The following NCAPG variants were observed in gnomAD, a reference collection of about 807,000 sequenced individuals.
NCAPG encodes the protein condensin complex subunit 3.
A neutral mutation model predicts 113.1 loss-of-function variants in NCAPG; 69 were observed. The ratio of observed to expected loss-of-function variants is 0.61; its 90% CI spans 0.50 to 0.75. The LOEUF is 0.75. Among genes scored for constraint, NCAPG ranks in the 30% least tolerant of loss-of-function variants. The probability of loss-of-function intolerance (pLI) is 0.00; values close to 1 mark genes in which losing one functional copy is unlikely to be tolerated. For synonymous variants in NCAPG, 370 were observed against 415.8 expected (o/e 0.89, Z 1.34); for missense variants, 1,058 against 1,177.0 (o/e 0.90, Z 1.48).
rs1722740902 is a variant in NCAPG, at chr4:17,844,578, CAGTT to C, written c.*1155_*1158del. The C allele has an allele frequency of 6.6e-6, 1 of 152,306 alleles. No individual in the cohort carries two copies. The highest frequency in any genetic ancestry group is 2.4e-5 in the African/African-American group (1 of 41,394). The allele number at this position is 152,306 out of a possible 1,614,324, so 9.4% of individuals were successfully genotyped here. A position where few individuals can be genotyped will look rare whatever the true frequency, so the allele number is the denominator to read the frequency against. On this transcript the variant is annotated 3_prime_UTR_variant, in exon 21 of 21. Coordinates refer to ENST00000251496, the MANE Select transcript of NCAPG (RefSeq NM_022346.5). ...AGGAAAAATGGTAATGATAGAAAGT[CAGTT>C]AAAAATAGATGATTGTTCTTCATTC...
chr4:17,815,454 G>C (rs1577332502), intron 5 of NCAPG, 96 bp downstream of exon 5: 2 of 793,588 alleles, frequency 2.5e-6, no homozygotes. Flanking sequence ...GGTCAAGTAA[G>C]CCTGCCAGTC....
chr4:17,823,459 A>AT (rs1012593350), intron 8 of NCAPG, among the ~76,000 whole-genome samples, 188 bp from the exon 9 acceptor site: 4 of 151,512 alleles, frequency 2.6e-5, no homozygotes, highest in East Asian at 3.9e-4. Context: ...TTTTATAAAA[A>AT]TTTTTTTTTG....
In NCAPG at chr4:17,823,018, A is replaced by C; in HGVS notation, c.1154A>C (p.His385Pro). 6.2e-7 allele frequency: 1 copy of C among 1,608,790 alleles called. No homozygotes were observed. The highest frequency in any genetic ancestry group is 1.7e-4 in the Middle Eastern group (1 of 6,042). The stretch of plus-strand genomic sequence containing the variant: ...AGCATTCCAGTTGTTAATGAAGAAC[A>C]CAGAGGTGATTTTTCCTATATTGGA... ...IQSIPVVNEE[H>P]RGDFSYIGNL... The change falls in exon 8 of 21, where the codon CAC becomes CCC. Residue 385 changes from histidine to proline, a missense_variant. Physicochemically the swap from His to Pro is moderately conservative, Grantham distance 77. Transcript: ENST00000251496.
chr4:17,839,757 T>G lies in NCAPG; in HGVS notation c.2548T>G (p.Tyr850Asp). 1 of 1,585,210 alleles carries G rather than the reference T, an allele frequency of 6.3e-7. No homozygotes were observed. Among genetic ancestry groups the G allele is most frequent in the Non-Finnish European group, 8.5e-7 (1 of 1,173,068 alleles). The change falls in exon 17 of 21, where the codon TAT (tyrosine) becomes GAT (aspartate). Residue 850 changes from tyrosine to aspartate, a missense_variant. Tyr to Asp is a radical substitution (Grantham distance 160, BLOSUM62 -3). Coordinates refer to ENST00000251496, the MANE Select transcript of NCAPG (RefSeq NM_022346.5). The stretch of plus-strand genomic sequence containing the variant: ...TCCGTGCTCGCCAGAAATTCGAGTC[T>G]ATACAAAAGCCTTGAGTTCTTTAGA... ...TSPCSPEIRV[Y>D]TKALSSLELS... is the part of the protein sequence containing the mutation.
chr4:17,843,196 A>T, intron 20 of NCAPG, 106 bp from the exon 21 acceptor site: 1 of 1,228,406 alleles, frequency 8.1e-7, no homozygotes. Flanking sequence ...TCAGGCTATC[A>T]ATTAAACACT....
chr4:17,811,270 C>T lies in NCAPG; in HGVS notation c.111+82C>T. 2.5e-6 allele frequency: 2 copies of T among 810,678 alleles called. No homozygotes were observed. The highest frequency in any genetic ancestry group is 3.9e-5 in the South Asian group (2 of 50,828). 50.2% of individuals were successfully genotyped at this position (810,678 alleles called of 1,614,324 possible). A position where few individuals can be genotyped will look rare whatever the true frequency, so the allele number is the denominator to read the frequency against. ...AGGGGCCCTCCGTGGCCCTCGGGCT[C>T]GGCGCACCGTGACTCCAGCCTTGTT... is the stretch of plus-strand genomic sequence containing the variant. On this transcript the variant is annotated intron_variant, in intron 1 of 20. Transcript: ENST00000251496. The surrounding 1 kb of genome is among the most constrained non-coding windows in gnomAD (Gnocchi z 5.3).
At chr4:17,843,192 T>TATC (rs1043508339) in intron 20 of NCAPG, 110 bp from the exon 21 acceptor site, 35 of 1,175,366 alleles carry the variant, frequency 3.0e-5, no homozygotes, top group African/African-American at 4.6e-5. Flanking sequence ...GGAATCAGGC[T>TATC]ATCAATTAAA....
At chr4:17,831,149 A>G in intron 13 of NCAPG, 33 bp downstream of exon 13, 2 of 1,604,662 alleles carry the variant, frequency 1.2e-6, no homozygotes, top group Non-Finnish European at 1.7e-6. Flanking sequence ...TCTCAACTGT[A>G]TTTCCTGAAA....
In NCAPG at chr4:17,843,516, C is replaced by CTGA. The variant is rs979584543; in HGVS notation, c.*94_*96dup. 2.1e-6 allele frequency: 3 copies of CTGA among 1,423,970 alleles called. No homozygotes were observed. The highest frequency in any genetic ancestry group is 2.9e-5 in the African/African-American group (2 of 69,374). 88.2% of individuals were successfully genotyped at this position (1,423,970 alleles called of 1,614,324 possible). On this transcript the variant is annotated 3_prime_UTR_variant, in exon 21 of 21. Transcript: ENST00000251496. ...TACCCTTGTCAAAATCAGAACAAAC[C>CTGA]TGATGTCTTTCTGAAGATTTTCTGC...
At position 17,812,378 on chromosome 4, in the gene NCAPG, A is replaced by T. The variant is rs1721021671; in HGVS notation, c.269A>T (p.Glu90Val). ...HQSDMEDDEEEEDGGLLNYLF... is the reference protein window; with the variant it reads ...HQSDMEDDEEVEDGGLLNYLF... Reference sequence around the variant, plus strand: ...TCAGATATGGAAGATGATGAGGAAGAGGAAGATGGTGGCCTTTTAAATTAT... The same window carrying T: ...TCAGATATGGAAGATGATGAGGAAGTGGAAGATGGTGGCCTTTTAAATTAT... Residue 90 changes from glutamate to valine, a missense_variant, in exon 2 of 21, where the codon GAG becomes GTG. By Grantham distance (121) the Glu-to-Val change is moderately radical. Coordinates refer to ENST00000251496, the MANE Select transcript of NCAPG (RefSeq NM_022346.5). The T allele has an allele frequency of 1.2e-6, 2 of 1,613,824 alleles. No individual in the cohort carries two copies. Among genetic ancestry groups the T allele is most frequent in the Non-Finnish European group, 1.7e-6 (2 of 1,179,850 alleles).
intron 3 of NCAPG, among the ~76,000 whole-genome samples, chr4:17,813,926 G>T (rs1397096498): frequency 6.6e-6 from 1 of 151,846 alleles, no homozygotes; most frequent in African/African-American, 2.4e-5. Flanking sequence ...ATAGTAGTTG[G>T]TATTTTTTTT....
rs1722712392 is a variant in NCAPG at position 17,844,291 on chromosome 4, A to AAAT, written c.*867_*869dup. 1 of 152,348 alleles carries AAAT rather than the reference A, an allele frequency of 6.6e-6. No homozygotes were observed. Among genetic ancestry groups the AAAT allele is most frequent in the Non-Finnish European group, 1.5e-5 (1 of 67,860 alleles). 9.4% of individuals were successfully genotyped at this position (152,348 alleles called of 1,614,324 possible). ...TGACTTACGAAACTTGTACTATATG[A>AAAT]AATTGGTCCTCTTTTCTGCAATACC... On this transcript the variant is annotated 3_prime_UTR_variant, in exon 21 of 21. Transcript: ENST00000251496.
chr4:17,823,215 C>T (rs939053713), intron 8 of NCAPG, 92 bp downstream of exon 8: 63 of 1,234,820 alleles, frequency 5.1e-5, no homozygotes, highest in Non-Finnish European at 7.0e-5. Context: ...AACATATTTA[C>T]CCTAGCTCTC....
At chr4:17,830,854 T>G in intron 12 of NCAPG, 143 bp from the exon 13 acceptor site, 2 of 762,786 alleles carry the variant, frequency 2.6e-6, no homozygotes, top group South Asian at 3.8e-5. Flanking sequence ...TTCAGGAAGG[T>G]CACTCTGGCT....
At chr4:17,815,098 C>A in intron 4 of NCAPG, 100 bp downstream of exon 4, 1 of 1,484,244 alleles carries the variant, frequency 6.7e-7, no homozygotes, top group Non-Finnish European at 9.2e-7. Flanking sequence ...ATAATTTCTT[C>A]AGTTGAGGTT....
intron 7 of NCAPG, 88 bp downstream of exon 7, chr4:17,818,176 T>G (rs937600662): frequency 7.2e-7 from 1 of 1,389,752 alleles, no homozygotes; most frequent in African/African-American, 1.5e-5. Context: ...CATGTTTGAT[T>G]GTGAATATGT....
At chr4:17,838,263 T>G (rs1452343730) in intron 16 of NCAPG, among the ~76,000 whole-genome samples, 1 of 152,236 alleles carries the variant, frequency 6.6e-6, no homozygotes. Context: ...TTTAATCCTT[T>G]AATGGCATTT....
At chr4:17,828,174 C>T in intron 11 of NCAPG, 104 bp from the exon 12 acceptor site, 1 of 646,402 alleles carries the variant, frequency 1.5e-6, no homozygotes, top group East Asian at 3.0e-5. Context: ...CCTACAGAGT[C>T]TATATAGAGT....
chr4:17,840,453 A>G (rs766731158), intron 18 of NCAPG, among the ~76,000 whole-genome samples, 154 bp from the exon 19 acceptor site: 2 of 151,992 alleles, frequency 1.3e-5, no homozygotes, highest in African/African-American at 2.4e-5. Flanking sequence ...TCTTTTTCCA[A>G]TATTCAAATT....
Sources: allele counts gnomAD v4.1 joint callset (sites outside exome capture counted in the v4.1 genomes callset), GRCh38; gene constraint gnomAD v4.1.1; non-coding constraint Gnocchi (gnomAD v3.1); transcripts MANE v1.5; gene names NCBI Gene and HGNC (gene_info 2026-07-23, HGNC 2026-07-21).